Variants in LAMA2 observed in about 807,000 individuals in gnomAD.
LAMA2 encodes laminin subunit alpha-2.
In LAMA2, 269 loss-of-function variants were observed where a neutral mutation model predicts 364.8. That is an observed-to-expected ratio of 0.74 (90% confidence interval 0.67 to 0.82). The LOEUF is 0.82. Ranked by LOEUF, LAMA2 falls within the 40% of genes least tolerant of loss-of-function variation. LAMA2 has a pLI of 0.00. For synonymous variants in LAMA2, 1,379 were observed against 1,370.6 expected (o/e 1.01, Z -0.14); for missense variants, 3,807 against 3,873.2 (o/e 0.98, Z 0.45).
chr6:129,366,892 G>C (rs1272549748), intron 33 of LAMA2, among the ~76,000 whole-genome samples: 1 of 152,192 alleles, frequency 6.6e-6, no homozygotes, highest in Non-Finnish European at 1.5e-5. Context: ...ATGAATGTGA[G>C]CATCACTTGA....
chr6:129,200,777 T>A (rs1782237865), intron 12 of LAMA2, among the ~76,000 whole-genome samples: 3 of 152,080 alleles, frequency 2.0e-5, no homozygotes, highest in African/African-American at 7.2e-5. Context: ...CATACATAGA[T>A]GAATACTTAA....
chr6:128,889,058 C>T (rs1294999494), intron 1 of LAMA2, among the ~76,000 whole-genome samples: 4 of 152,260 alleles, frequency 2.6e-5, no homozygotes. Flanking sequence ...CAGTGCTATT[C>T]CATTATTCAA....
intron 3 of LAMA2, among the ~76,000 whole-genome samples, chr6:129,062,141 ATACT>A (rs1322618489): frequency 6.6e-6 from 1 of 152,216 alleles, no homozygotes; most frequent in African/African-American, 2.4e-5. Flanking sequence ...CATGTTTATA[ATACT>A]TATTCAGCTA....
intron 2 of LAMA2, among the ~76,000 whole-genome samples, chr6:129,053,464 G>C (rs1466338241): frequency 6.6e-6 from 1 of 152,102 alleles, no homozygotes; most frequent in Non-Finnish European, 1.5e-5. Context: ...TGTATAGAAT[G>C]TAAGAGGAAA....
intron 29 of LAMA2, among the ~76,000 whole-genome samples, chr6:129,331,871 T>A (rs544311097): frequency 6.6e-6 from 1 of 152,266 alleles, no homozygotes; most frequent in African/African-American, 2.4e-5. Flanking sequence ...TTCACCTTAC[T>A]ATATCTAACA....
chr6:129,274,429 A>G (rs1169467067), intron 17 of LAMA2, among the ~76,000 whole-genome samples: 1 of 151,710 alleles, frequency 6.6e-6, no homozygotes, highest in Non-Finnish European at 1.5e-5. Context: ...AAAAAAAAAA[A>G]GGGAGCTAAA....
At chr6:129,116,268 A>G (rs1024916313) in intron 4 of LAMA2, among the ~76,000 whole-genome samples, 3 of 152,184 alleles carry the variant, frequency 2.0e-5, no homozygotes, top group Middle Eastern at 3.2e-3. Flanking sequence ...GCAGGGACCT[A>G]CATTCATTAA....
intron 12 of LAMA2, 72 bp from the exon 13 acceptor site, chr6:129,250,040 C>T: frequency 1.1e-6 from 1 of 935,774 alleles, no homozygotes; most frequent in Non-Finnish European, 1.8e-6. Flanking sequence ...AATTCGTATA[C>T]AACAGTAAGT....
intron 21 of LAMA2, among the ~76,000 whole-genome samples, chr6:129,298,862 TAA>T (rs1404203625): frequency 6.7e-6 from 1 of 150,374 alleles, no homozygotes; most frequent in African/African-American, 2.4e-5. Context: ...TTCTAAATGA[TAA>T]GTTTATAATT....
chr6:129,090,402 A>AC (rs1411667467), intron 3 of LAMA2, among the ~76,000 whole-genome samples: 4 of 152,334 alleles, frequency 2.6e-5, no homozygotes, highest in African/African-American at 9.6e-5. Flanking sequence ...TAATACTATT[A>AC]TACTGATTCT....
chr6:129,066,049 T>TTTTTTTTTTTTCTC (rs1562206896), intron 3 of LAMA2, among the ~76,000 whole-genome samples: 2 of 91,884 alleles, frequency 2.2e-5, no homozygotes, highest in African/African-American at 3.7e-5. Flanking sequence ...TTTTTTTTTT[T>TTTTTTTTTTTTCTC]TTTTTTTTTT....
intron 17 of LAMA2, among the ~76,000 whole-genome samples, chr6:129,274,515 G>T (rs1297430569): frequency 1.3e-5 from 2 of 151,678 alleles, no homozygotes; most frequent in Non-Finnish European, 2.9e-5. Context: ...TTAATCCCTG[G>T]TCATAAATCT....
intron 4 of LAMA2, among the ~76,000 whole-genome samples, chr6:129,121,220 C>T (rs1776787253): frequency 6.6e-6 from 1 of 152,160 alleles, no homozygotes; most frequent in South Asian, 2.1e-4. Flanking sequence ...GAATCACCCT[C>T]ATCACTGTGC....
Position 128,984,588 on chromosome 6 carries a change from T to C in LAMA2, c.113-65330T>C, listed in dbSNP as rs185459162. Among the ~76,000 whole-genome samples the C allele has an allele frequency of 2.9e-3, 440 of 152,294 alleles. 1 individual carries two copies. The highest frequency in any genetic ancestry group is 1.0e-2 in the African/African-American group (414 of 41,580). On this transcript the variant is annotated intron_variant, in intron 1 of 64. Coordinates refer to ENST00000421865, the MANE Select transcript of LAMA2 (RefSeq NM_000426.4). ...CAATTTTGCAGAATTGAATTACAAGTTTCTCATACTAAGACATTTTTCTAT... is the reference window on the plus strand; with the variant it reads ...CAATTTTGCAGAATTGAATTACAAGCTTCTCATACTAAGACATTTTTCTAT...
intron 13 of LAMA2, 67 bp from the exon 14 acceptor site, chr6:129,252,017 A>T (rs575510191): frequency 4.1e-6 from 4 of 964,768 alleles, no homozygotes; most frequent in Middle Eastern, 2.1e-4. Context: ...AAATATAGAT[A>T]TGTTTGACAC....
At chr6:129,154,389 G>A (rs1583148600) in intron 7 of LAMA2, 116 bp from the exon 8 acceptor site, 1 of 905,912 alleles carries the variant, frequency 1.1e-6, no homozygotes. Context: ...ACTCCAGCCT[G>A]GGCGACAGAG....
At chr6:129,330,607 T>TG (rs947088475) in intron 29 of LAMA2, among the ~76,000 whole-genome samples, 1 of 149,110 alleles carries the variant, frequency 6.7e-6, no homozygotes, top group African/African-American at 2.5e-5. Flanking sequence ...TGTTTTTTTT[T>TG]TTTTTTTTCC....
chr6:129,039,234 T>C (rs1265692970), intron 1 of LAMA2, among the ~76,000 whole-genome samples: 2 of 152,004 alleles, frequency 1.3e-5, no homozygotes, highest in African/African-American at 4.8e-5. Flanking sequence ...GAAAACACTT[T>C]CACAGAGCAG....
intron 1 of LAMA2, among the ~76,000 whole-genome samples, chr6:128,953,954 A>C (rs1780996521): frequency 6.6e-6 from 1 of 152,136 alleles, no homozygotes; most frequent in African/African-American, 2.4e-5. Context: ...ATTTTTCTTA[A>C]TCTTCAAAAA....
Sources: allele counts gnomAD v4.1 joint callset (sites outside exome capture counted in the v4.1 genomes callset), GRCh38; gene constraint gnomAD v4.1.1; transcripts MANE v1.5; gene names NCBI Gene and HGNC (gene_info 2026-07-23, HGNC 2026-07-21).